TVP23C: variants seen among roughly 807,000 people sequenced by gnomAD.
The protein encoded by TVP23C is trans-golgi network vesicle protein 23 homolog C, also known as Golgi apparatus membrane protein TVP23 homolog C.
In TVP23C, 19 loss-of-function variants were observed where a neutral mutation model predicts 28.7. The ratio of observed to expected loss-of-function variants is 0.66; its 90% CI spans 0.46 to 0.97. TVP23C has a LOEUF of 0.97. Among genes scored for constraint, TVP23C ranks in the 50% least tolerant of loss-of-function variants. The probability of loss-of-function intolerance (pLI) is 0.00; values close to 1 mark genes in which losing one functional copy is unlikely to be tolerated. For missense variants in TVP23C, 186 were observed against 241.3 expected, an observed-to-expected ratio of 0.77 and a Z score of 1.52; for synonymous variants, 68 against 81.7, an observed-to-expected ratio of 0.83 and a Z score of 0.90.
intron 2 of TVP23C, among the ~76,000 whole-genome samples, chr17:15,554,538 G>C (rs1325803404): frequency 6.6e-6 from 1 of 152,124 alleles, no homozygotes; most frequent in Non-Finnish European, 1.5e-5. Flanking sequence ...CGCCCAGCCT[G>C]TTTCTTGTTT....
Position 15,537,466 on chromosome 17 carries a change from G to A in TVP23C, c.*2946C>T. 1 of 984,918 alleles carries A rather than the reference G, an allele frequency of 1.0e-6. No individual in the cohort carries two copies. Among genetic ancestry groups the A allele is most frequent in the Non-Finnish European group, 1.2e-6 (1 of 829,560 alleles). 61.0% of individuals were successfully genotyped at this position (984,918 alleles called of 1,614,324 possible). ...AATAAATAGAATAGCAGCAATCTCT[G>A]GGTATTCCTTAAACTATGATGATTC... On this transcript the variant is annotated 3_prime_UTR_variant, in exon 6 of 6. Transcript: ENST00000518321.
intron 5 of TVP23C, among the ~76,000 whole-genome samples, chr17:15,542,793 G>A (rs555884791): frequency 1.3e-5 from 2 of 152,240 alleles, no homozygotes; most frequent in East Asian, 3.9e-4. Context: ...CATTTATGCT[G>A]TAGGCTGCAA....
downstream of TVP23C, among the ~76,000 whole-genome samples, chr17:15,534,893 G>A (rs940356842): frequency 6.6e-6 from 1 of 151,772 alleles, no homozygotes; most frequent in Non-Finnish European, 1.5e-5. Flanking sequence ...ACTTGAACCC[G>A]AGAGGTGGAG....
chr17:15,512,623 T>A (rs1358652171), intron 5 of TVP23C, among the ~76,000 whole-genome samples: 3 of 152,244 alleles, frequency 2.0e-5, no homozygotes, highest in Admixed American at 6.5e-5. Flanking sequence ...AGCCATGCTC[T>A]CTGCTTTGCA....
chr17:15,535,606 T>C (rs1983121732), downstream of TVP23C, among the ~76,000 whole-genome samples: 1 of 152,082 alleles, frequency 6.6e-6, no homozygotes, highest in Admixed American at 6.6e-5. Context: ...ATTCTAGGAG[T>C]GGAATTTTAC....
At chr17:15,521,013 T>C (rs894908482) in intron 5 of TVP23C, among the ~76,000 whole-genome samples, 4 of 151,196 alleles carry the variant, frequency 2.6e-5, no homozygotes, top group African/African-American at 9.7e-5. Context: ...TAACCACAAA[T>C]AGAAAAGACC....
chr17:15,558,610 A>C (rs1458929995), intron 1 of TVP23C, among the ~76,000 whole-genome samples: 3 of 148,274 alleles, frequency 2.0e-5, no homozygotes, highest in Admixed American at 1.4e-4. Flanking sequence ...TGAAACAAGC[A>C]AAGTAGAGGT....
chr17:15,559,096 G>A (rs1984263132), intron 1 of TVP23C, among the ~76,000 whole-genome samples: 2 of 147,866 alleles, frequency 1.4e-5, no homozygotes, highest in Non-Finnish European at 3.0e-5. Flanking sequence ...AAAGTGCTAC[G>A]ATTAGAGGCA....
Position 15,537,183 on chromosome 17 carries a change from G to C in TVP23C, c.*3229C>G, listed in dbSNP as rs1597527993. Reference sequence around the variant, plus strand: ...ACAGAATTTACAGATGCCTACAATAGTTTGTAGATTGGTTTAATTTACAGT... The same window carrying C: ...ACAGAATTTACAGATGCCTACAATACTTTGTAGATTGGTTTAATTTACAGT... On this transcript the variant is annotated 3_prime_UTR_variant, in exon 6 of 6. Transcript: ENST00000518321. The C allele has an allele frequency of 2.5e-6, 1 of 401,496 alleles. No individual in the cohort carries two copies. Among genetic ancestry groups the C allele is most frequent in the East Asian group, 1.6e-4 (1 of 6,156 alleles). The allele number at this position is 401,496 out of a possible 1,614,324, so 24.9% of individuals were successfully genotyped here.
chr17:15,549,657 G>A (rs1164220701), intron 3 of TVP23C, among the ~76,000 whole-genome samples: 4 of 151,354 alleles, frequency 2.6e-5, no homozygotes, highest in Non-Finnish European at 4.4e-5. Flanking sequence ...TCCAGCTTGC[G>A]TGACAAAGCA....
At chr17:15,532,392 G>A (rs2532479), downstream of TVP23C, among the ~76,000 whole-genome samples, 36,204 of 151,978 alleles carry the variant, frequency 0.24, 4,660 homozygotes, top group African/African-American at 0.34. Context: ...GGGATGGGGC[G>A]TCTTGGATAA....
At chr17:15,518,394 C>T (rs140357788) in intron 5 of TVP23C, among the ~76,000 whole-genome samples, 80 of 152,234 alleles carry the variant, frequency 5.3e-4, no homozygotes, top group Non-Finnish European at 9.9e-4. Context: ...ATCCAGAAGG[C>T]GTCCCTAGCA....
chr17:15,528,791 T>C (rs966333986), intron 5 of TVP23C, among the ~76,000 whole-genome samples: 22 of 150,848 alleles, frequency 1.5e-4, no homozygotes, highest in Non-Finnish European at 1.0e-4. Context: ...AGAGACGGGG[T>C]TTCTCCATGT....
chr17:15,543,336 T>C (rs1466963029), intron 5 of TVP23C, among the ~76,000 whole-genome samples: 1 of 150,874 alleles, frequency 6.6e-6, no homozygotes, highest in East Asian at 1.9e-4. Context: ...ACTGTCACTG[T>C]AAGGATAAGC....
downstream of TVP23C, among the ~76,000 whole-genome samples, chr17:15,533,571 T>C (rs1359100042): frequency 1.3e-5 from 2 of 152,154 alleles, no homozygotes; most frequent in Non-Finnish European, 2.9e-5. Context: ...GCTCAAAAAA[T>C]TATTGTCAAC....
At position 15,538,161 on chromosome 17, in the gene TVP23C, A is replaced by G. The variant is rs746463174; in HGVS notation, c.*2251T>C. The stretch of plus-strand genomic sequence containing the variant: ...CTGATCATCTCCAGTGTTCCGCAAA[A>G]GACAAAAAAAGAACTCCTTAACATC... On this transcript the variant is annotated 3_prime_UTR_variant, in exon 6 of 6. Transcript: ENST00000518321. 19 of 1,613,688 alleles carry G rather than the reference A, an allele frequency of 1.2e-5. No individual in the cohort carries two copies. In the Admixed American group the frequency reaches 2.8e-4, roughly 24 times the overall value.
At chr17:15,533,569 A>C (rs1290080189), downstream of TVP23C, among the ~76,000 whole-genome samples, 3 of 152,208 alleles carry the variant, frequency 2.0e-5, no homozygotes, top group African/African-American at 7.2e-5. Context: ...AAGCTCAAAA[A>C]ATTATTGTCA....
In TVP23C at chr17:15,538,111, C is replaced by T. The variant is rs1442194917; in HGVS notation, c.*2301G>A. 2 of 1,613,656 alleles carry T rather than the reference C, an allele frequency of 1.2e-6. No individual in the cohort carries two copies. The highest frequency in any genetic ancestry group is 1.3e-5 in the African/African-American group (1 of 74,870). On this transcript the variant is annotated 3_prime_UTR_variant, in exon 6 of 6. Transcript: ENST00000518321. ...AGTTGTTCCCCAATGTAACAAAGCACATAAGCTTTCTCTATTCAGGAAGTC... is the reference window on the plus strand; with the variant it reads ...AGTTGTTCCCCAATGTAACAAAGCATATAAGCTTTCTCTATTCAGGAAGTC...
chr17:15,557,614 T>C (rs1163807806), intron 1 of TVP23C, among the ~76,000 whole-genome samples: 2 of 146,700 alleles, frequency 1.4e-5, no homozygotes, highest in South Asian at 2.3e-4. Flanking sequence ...TGTCTTTGCA[T>C]TGTAGTAAAT....
Sources: gnomAD v4.1 joint callset for allele counts (sites outside exome capture counted in the v4.1 genomes callset) on GRCh38, gnomAD v4.1.1 for gene constraint, MANE v1.5 for transcripts, NCBI Gene and HGNC (gene_info 2026-07-23, HGNC 2026-07-21) for gene names.